The following NCOA1 variants were observed in gnomAD, a reference collection of about 807,000 sequenced individuals.
The protein encoded by NCOA1 is Hin-2 protein.
A neutral mutation model predicts 150.9 loss-of-function variants in NCOA1; 35 were observed. The observed-to-expected ratio is 0.23, with a 90% confidence interval of 0.18 to 0.31. The LOEUF is 0.31. Among genes scored for constraint, NCOA1 ranks in the 10% least tolerant of loss-of-function variants. The probability of loss-of-function intolerance (pLI) is 1.00; values close to 1 mark genes in which losing one functional copy is unlikely to be tolerated. For missense variants in NCOA1, 1,491 were observed against 1,749.3 expected (o/e 0.85, Z 2.63); for synonymous variants, 590 against 630.0 (o/e 0.94, Z 0.95).
chr2:24,639,785 G>A (rs1422510420), intron 3 of NCOA1, among the ~76,000 whole-genome samples: 2 of 151,104 alleles, frequency 1.3e-5, no homozygotes, highest in East Asian at 3.9e-4. Context: ...CTACTCAGGA[G>A]GCTGAAGCAG....
intron 3 of NCOA1, among the ~76,000 whole-genome samples, chr2:24,611,404 C>CA (rs1325623486): frequency 2.0e-5 from 3 of 152,134 alleles, no homozygotes; most frequent in African/African-American, 7.2e-5. Flanking sequence ...CTGCAGTGAA[C>CA]GTAAGAGTAC....
intron 14 of NCOA1, among the ~76,000 whole-genome samples, chr2:24,718,091 G>T (rs1403532985): frequency 6.6e-6 from 1 of 151,794 alleles, no homozygotes; most frequent in South Asian, 2.1e-4. Flanking sequence ...GTAGAGATGG[G>T]GTTTCTCCAT....
chr2:24,672,935 G>A (rs1462762678), intron 6 of NCOA1, among the ~76,000 whole-genome samples: 1 of 152,164 alleles, frequency 6.6e-6, no homozygotes, highest in Non-Finnish European at 1.5e-5. Context: ...AGTTCATGCA[G>A]GCTCTCAAAA....
At chr2:24,497,316 T>G (rs1413053697) in intron 1 of NCOA1, among the ~76,000 whole-genome samples, 1 of 152,106 alleles carries the variant, frequency 6.6e-6, no homozygotes, top group Non-Finnish European at 1.5e-5. Flanking sequence ...TGGAGACTCC[T>G]GCAGTCTTGT....
At chr2:24,518,240 C>G (rs1340092912) in intron 1 of NCOA1, among the ~76,000 whole-genome samples, 1 of 151,960 alleles carries the variant, frequency 6.6e-6, no homozygotes, top group African/African-American at 2.4e-5. Flanking sequence ...AAAATATGAA[C>G]ATCTCAATAA....
At chr2:24,658,117 G>T (rs1671026528) in intron 4 of NCOA1, among the ~76,000 whole-genome samples, 1 of 152,168 alleles carries the variant, frequency 6.6e-6, no homozygotes, top group Non-Finnish European at 1.5e-5. Flanking sequence ...TAAACAAAAG[G>T]TTAGGAGTAT....
intron 3 of NCOA1, among the ~76,000 whole-genome samples, chr2:24,620,890 TTAAG>T (rs1474330518): frequency 3.3e-5 from 5 of 152,342 alleles, no homozygotes; most frequent in East Asian, 1.9e-4. Flanking sequence ...TCTATGCTAC[TTAAG>T]TAAGAATTGC....
intron 16 of NCOA1, among the ~76,000 whole-genome samples, chr2:24,729,001 G>A (rs902886774): frequency 4.6e-5 from 7 of 152,186 alleles, no homozygotes; most frequent in South Asian, 4.1e-4. Context: ...ACACGCGCAC[G>A]CGCGCAATTA....
At chr2:24,516,143 A>G (rs532059269) in intron 1 of NCOA1, among the ~76,000 whole-genome samples, 2 of 148,700 alleles carry the variant, frequency 1.3e-5, no homozygotes, top group East Asian at 2.0e-4. Flanking sequence ...ACCCTGACCT[A>G]TGAAATAATT....
At chr2:24,709,635 G>A (rs1420241871) in intron 13 of NCOA1, among the ~76,000 whole-genome samples, 3 of 152,072 alleles carry the variant, frequency 2.0e-5, no homozygotes, top group Non-Finnish European at 4.4e-5. Context: ...TTTTTGATGA[G>A]GTGAAGTTCT....
At chr2:24,595,670 A>G (rs1372775081) in intron 3 of NCOA1, among the ~76,000 whole-genome samples, 1 of 152,106 alleles carries the variant, frequency 6.6e-6, no homozygotes, top group African/African-American at 2.4e-5. Context: ...TTAGCAGGGG[A>G]CACAATGAGG....
At chr2:24,595,902 T>C (rs1295022506) in intron 3 of NCOA1, among the ~76,000 whole-genome samples, 1 of 152,176 alleles carries the variant, frequency 6.6e-6, no homozygotes, top group African/African-American at 2.4e-5. Context: ...TTGCTGTATA[T>C]GGTGTATGTT....
chr2:24,673,267 T>G, intron 6 of NCOA1, 99 bp from the exon 7 acceptor site: 1 of 723,484 alleles, frequency 1.4e-6, no homozygotes, highest in Non-Finnish European at 2.2e-6. Flanking sequence ...TAAATGTTAT[T>G]TGAATTTGAA....
At chr2:24,724,774 ATAAT>A (rs948918234) in intron 14 of NCOA1, among the ~76,000 whole-genome samples, 156 of 152,290 alleles carry the variant, frequency 1.0e-3, no homozygotes, top group African/African-American at 3.6e-3. Flanking sequence ...TTTGGTTATA[ATAAT>A]TAAGATTAGA....
chr2:24,632,155 CT>C (rs1669736219), intron 3 of NCOA1, among the ~76,000 whole-genome samples: 1 of 152,008 alleles, frequency 6.6e-6, no homozygotes, highest in South Asian at 2.1e-4. Flanking sequence ...TCCAGGGAGA[CT>C]AGGAGAATGG....
At chr2:24,719,010 C>T (rs1419588513) in intron 14 of NCOA1, among the ~76,000 whole-genome samples, 15 of 91,382 alleles carry the variant, frequency 1.6e-4, no homozygotes, top group African/African-American at 6.1e-4. Context: ...GCCTGTACTA[C>T]AAAGTGAGAC....
intron 3 of NCOA1, among the ~76,000 whole-genome samples, chr2:24,639,904 G>GTA (rs778101691): frequency 0.19 from 9,397 of 49,286 alleles, 1,508 homozygotes; most frequent in East Asian, 0.33. Context: ...AAAAAAAAAA[G>GTA]TATGTGTGTG....
chr2:24,640,918 A>G (rs537946010), intron 3 of NCOA1, among the ~76,000 whole-genome samples: 18 of 152,004 alleles, frequency 1.2e-4, no homozygotes, highest in African/African-American at 4.3e-4. Context: ...TGTAATGTTT[A>G]GTTATTTTAT....
At chr2:24,672,816 C>T (rs1671745406) in intron 6 of NCOA1, among the ~76,000 whole-genome samples, 1 of 152,276 alleles carries the variant, frequency 6.6e-6, no homozygotes, top group South Asian at 2.1e-4. Context: ...TATGATTCTG[C>T]TTTAAGATGA....
Sources: allele counts gnomAD v4.1 joint callset (sites outside exome capture counted in the v4.1 genomes callset), GRCh38; gene constraint gnomAD v4.1.1; transcripts MANE v1.5; gene names NCBI Gene and HGNC (gene_info 2026-07-23, HGNC 2026-07-21).